The following GABRG3 variants were observed in gnomAD, a reference collection of about 807,000 sequenced individuals.
GABRG3 encodes the protein gamma-aminobutyric acid receptor subunit gamma-3.
Under a neutral mutation model 48.8 loss-of-function variants are expected in GABRG3, and 25 were observed. The observed-to-expected ratio is 0.51, with a 90% CI of 0.37 to 0.72. The LOEUF is 0.72. Ranked by LOEUF, GABRG3 falls within the 30% of genes least tolerant of loss-of-function variation. The probability of loss-of-function intolerance (pLI) is 0.00; values close to 1 mark genes in which losing one functional copy is unlikely to be tolerated. For synonymous variants in GABRG3, 227 were observed against 217.6 expected (o/e 1.04, Z -0.38); for missense variants, 394 against 577.9 (o/e 0.68, Z 3.26).
At chr15:27,423,373 T>G (rs1224893106) in intron 5 of GABRG3, among the ~76,000 whole-genome samples, 1 of 151,990 alleles carries the variant, frequency 6.6e-6, no homozygotes, top group Admixed American at 6.6e-5. Flanking sequence ...GTTAACTCTT[T>G]CCTTAAGCTT....
chr15:27,143,342 A>C (rs2140391177), intron 3 of GABRG3, among the ~76,000 whole-genome samples: 1 of 152,296 alleles, frequency 6.6e-6, no homozygotes, highest in Admixed American at 6.5e-5. Context: ...AGCCTCTCTA[A>C]GCACTGGGAT....
intron 3 of GABRG3, among the ~76,000 whole-genome samples, chr15:27,060,964 AG>A (rs1197575466): frequency 1.3e-5 from 2 of 152,162 alleles, no homozygotes; most frequent in Non-Finnish European, 2.9e-5. Flanking sequence ...AATACTCTCT[AG>A]TTTACTTAAT....
intron 3 of GABRG3, among the ~76,000 whole-genome samples, chr15:27,254,050 A>G (rs1190303057): frequency 2.0e-5 from 3 of 152,218 alleles, no homozygotes; most frequent in Non-Finnish European, 4.4e-5. Flanking sequence ...ACTGACTATA[A>G]TAACCTTGCT....
intron 3 of GABRG3, among the ~76,000 whole-genome samples, chr15:27,212,586 C>T (rs760859474): frequency 2.6e-5 from 4 of 152,148 alleles, no homozygotes; most frequent in South Asian, 2.1e-4. Flanking sequence ...ACACATCCAC[C>T]GTACCATCTT....
intron 5 of GABRG3, among the ~76,000 whole-genome samples, chr15:27,402,578 G>A (rs1275815410): frequency 6.6e-6 from 1 of 152,176 alleles, no homozygotes; most frequent in Non-Finnish European, 1.5e-5. Context: ...AGATATCCTG[G>A]CCCTTCCAGG....
intron 5 of GABRG3, among the ~76,000 whole-genome samples, chr15:27,423,252 A>G (rs781050340): frequency 0.012 from 1,879 of 150,452 alleles, 27 homozygotes; most frequent in Non-Finnish European, 0.021. Flanking sequence ...TAAAAAAAAA[A>G]AAAAAAAAAA....
chr15:27,309,987 AT>A (rs1478027158), intron 3 of GABRG3, among the ~76,000 whole-genome samples: 1 of 152,148 alleles, frequency 6.6e-6, no homozygotes, highest in Non-Finnish European at 1.5e-5. Flanking sequence ...TTTATAAAAA[AT>A]AATGAACTTT....
chr15:27,243,814 A>G (rs1399599895), intron 3 of GABRG3, among the ~76,000 whole-genome samples: 1 of 152,166 alleles, frequency 6.6e-6, no homozygotes. Context: ...AAATTTTAAG[A>G]AAAAGGACCC....
chr15:27,514,625 G>A (rs1004606519), intron 6 of GABRG3, among the ~76,000 whole-genome samples: 9 of 152,138 alleles, frequency 5.9e-5, no homozygotes, highest in African/African-American at 2.2e-4. Flanking sequence ...ATTCAATCAA[G>A]GGAGTTGATC....
intron 9 of GABRG3, chr15:27,531,029 G>A (rs2150866346): frequency 3.9e-6 from 1 of 259,372 alleles, no homozygotes; most frequent in South Asian, 4.0e-5. Context: ...TCGGGACAAA[G>A]AACATTAACC....
At chr15:27,150,775 A>G (rs1427739491) in intron 3 of GABRG3, among the ~76,000 whole-genome samples, 3 of 152,180 alleles carry the variant, frequency 2.0e-5, no homozygotes, top group African/African-American at 2.4e-5. Context: ...CAGCCTGACT[A>G]CTTACAGCCC....
chr15:27,294,507 C>T lies in GABRG3; in HGVS notation c.271-32302C>T, dbSNP rs117453112. On this transcript the variant is annotated intron_variant, in intron 3 of 9. Transcript: ENST00000615808. ...CTGGGATTACAGATGTGAGCCACCA[C>T]ACCTGGCCTCTTTTCCCAGTCTTGG... Among the ~76,000 whole-genome samples, 99 of 152,256 alleles carry T rather than the reference C, an allele frequency of 6.5e-4. 2 individuals are homozygous for T. In the East Asian group the frequency reaches 0.019, roughly 29 times the overall value.
chr15:27,118,998 C>T (rs1897687745), intron 3 of GABRG3, among the ~76,000 whole-genome samples: 1 of 152,192 alleles, frequency 6.6e-6, no homozygotes, highest in African/African-American at 2.4e-5. Flanking sequence ...ATTCTCCTAC[C>T]ATTCTTCCCT....
At position 27,035,930 on chromosome 15, in the gene GABRG3, G is replaced by T. The variant is rs1332033189; in HGVS notation, c.270+9109G>T. ...AGATTTGCAGTGGGCTGCAGAAGAG[G>T]CTGTGGATTTGAGAAATATAACCTC... On this transcript the variant is annotated intron_variant, in intron 3 of 9. Transcript: ENST00000615808. Among the ~76,000 whole-genome samples the T allele has an allele frequency of 4.6e-5, 7 of 152,216 alleles. No homozygotes were observed. The East Asian group carries it at 9.6e-4, about 21-fold the overall frequency.
At chr15:27,491,052 A>G (rs1448060991) in intron 6 of GABRG3, among the ~76,000 whole-genome samples, 1 of 152,232 alleles carries the variant, frequency 6.6e-6, no homozygotes, top group Non-Finnish European at 1.5e-5. Context: ...AACACCACGC[A>G]TGAGAGGAAT....
At chr15:27,490,560 A>G (rs572136293) in intron 6 of GABRG3, among the ~76,000 whole-genome samples, 3 of 152,062 alleles carry the variant, frequency 2.0e-5, no homozygotes, top group African/African-American at 7.2e-5. Context: ...ATCTCTCTCT[A>G]CCATTATTAT....
At chr15:27,240,444 T>C (rs1389742595) in intron 3 of GABRG3, among the ~76,000 whole-genome samples, 1 of 152,232 alleles carries the variant, frequency 6.6e-6, no homozygotes, top group Non-Finnish European at 1.5e-5. Flanking sequence ...AGTTGTTGAT[T>C]ACATGATTTG....
At chr15:27,033,785 CGT>C (rs1566915031) in intron 3 of GABRG3, among the ~76,000 whole-genome samples, 1 of 151,970 alleles carries the variant, frequency 6.6e-6, no homozygotes, top group Non-Finnish European at 1.5e-5. Context: ...TTATTGCTGT[CGT>C]AGATTTTTTT....
At chr15:27,065,760 T>C (rs1410471012) in intron 3 of GABRG3, among the ~76,000 whole-genome samples, 1 of 152,190 alleles carries the variant, frequency 6.6e-6, no homozygotes, top group African/African-American at 2.4e-5. Context: ...TGCTGCCCAA[T>C]AGGACACAGC....
Sources: allele counts gnomAD v4.1 joint callset (sites outside exome capture counted in the v4.1 genomes callset), GRCh38; gene constraint gnomAD v4.1.1; transcripts MANE v1.5; gene names NCBI Gene and HGNC (gene_info 2026-07-23, HGNC 2026-07-21).